Variants in CDHR3 observed in about 807,000 individuals in gnomAD.
The protein encoded by CDHR3 is cadherin related family member 3, also known as cadherin-related family member 3.
A neutral mutation model predicts 86.6 loss-of-function variants in CDHR3; 79 were observed. That is an observed-to-expected ratio of 0.91 (90% confidence interval 0.76 to 1.10). The LOEUF is 1.10. Among genes scored for constraint, CDHR3 ranks in the 50% least tolerant of loss-of-function variants. CDHR3 has a pLI of 0.00. For synonymous variants in CDHR3, 421 were observed against 402.4 expected (o/e 1.05, Z -0.55); for missense variants, 1,081 against 1,077.6 (o/e 1.00, Z -0.04).
rs1007850712 is a variant in CDHR3 at position 106,012,770 on chromosome 7, A to C, written c.1053-90A>C. 9 of 1,363,760 alleles carry C rather than the reference A, an allele frequency of 6.6e-6. No homozygotes were observed. The Admixed American group carries it at 1.2e-4, about 18-fold the overall frequency. The allele number at this position is 1,363,760 out of a possible 1,614,324, so 84.5% of individuals were successfully genotyped here. A position where few individuals can be genotyped will look rare whatever the true frequency, so the allele number is the denominator to read the frequency against. ...ATGGACTTACTTTGAATTGCAGTTAAAGTAGAGGTGTCTAGCCCAGGGCCC... is the reference window on the plus strand; with the variant it reads ...ATGGACTTACTTTGAATTGCAGTTACAGTAGAGGTGTCTAGCCCAGGGCCC... On this transcript the variant is annotated intron_variant, in intron 8 of 18. Transcript: ENST00000317716.
intron 1 of CDHR3, among the ~76,000 whole-genome samples, chr7:105,967,504 G>T (rs561321151): frequency 5.3e-5 from 8 of 152,276 alleles, no homozygotes; most frequent in African/African-American, 1.9e-4. Context: ...GGTATTTCTA[G>T]TTCTAGATCC....
At position 106,024,442 on chromosome 7, in the gene CDHR3, C is replaced by T. The variant is rs781354741; in HGVS notation, c.2138C>T (p.Pro713Leu). 7.4e-6 allele frequency: 12 copies of T among 1,613,870 alleles called. No individual in the cohort carries two copies. The highest frequency in any genetic ancestry group is 4.5e-5 in the East Asian group (2 of 44,892). ...TACTCTCCATCTGCATGGTACGTGCCGTTTGTCATCACTTTGGGCTCCATA... is the reference window on the plus strand; with the variant it reads ...TACTCTCCATCTGCATGGTACGTGCTGTTTGTCATCACTTTGGGCTCCATA... Reference protein sequence around the residue: ...NVYSPSAWYVPFVITLGSILL... With the variant: ...NVYSPSAWYVLFVITLGSILL... Residue 713 changes from proline to leucine, a missense_variant, in exon 15 of 19, where the codon CCG becomes CTG. Coordinates refer to ENST00000317716, the MANE Select transcript of CDHR3 (RefSeq NM_152750.5).
intron 10 of CDHR3, among the ~76,000 whole-genome samples, chr7:106,015,678 C>T (rs1835502466): frequency 6.6e-6 from 1 of 152,168 alleles, no homozygotes; most frequent in Non-Finnish European, 1.5e-5. Context: ...TAATTCTATC[C>T]TTATAAGGCT....
chr7:106,015,156 G>A lies in CDHR3; in HGVS notation c.1270G>A (p.Gly424Ser), dbSNP rs373722891. 57 of 1,611,216 alleles carry A rather than the reference G, an allele frequency of 3.5e-5. No homozygotes were observed. Among genetic ancestry groups the A allele is most frequent in the African/African-American group, 2.4e-4 (18 of 74,852 alleles). The part of the protein sequence containing the change: ...DYENPSNLAA[G>S]NKYTVIIQVQ... ...CGAAAATCCAAGTAACCTAGCAGCCGGCAATAAATATACGGTGATAATCCA... is the reference window on the plus strand; with the variant it reads ...CGAAAATCCAAGTAACCTAGCAGCCAGCAATAAATATACGGTGATAATCCA... Residue 424 changes from glycine (G) to serine (S), a missense_variant, in exon 10 of 19, where the codon GGC (glycine) becomes AGC (serine). Physicochemically the swap from Gly to Ser is moderately conservative, Grantham distance 56. Coordinates refer to ENST00000317716, the MANE Select transcript of CDHR3 (RefSeq NM_152750.5).
chr7:105,991,620 A>G (rs919238141), intron 4 of CDHR3, among the ~76,000 whole-genome samples: 2 of 152,242 alleles, frequency 1.3e-5, no homozygotes, highest in Admixed American at 1.3e-4. Flanking sequence ...AATGTTTTAC[A>G]GGATGGTTTT....
chr7:106,031,881 A>G (rs1411546270), intron 18 of CDHR3, among the ~76,000 whole-genome samples: 2 of 152,074 alleles, frequency 1.3e-5, no homozygotes, highest in African/African-American at 4.8e-5. Flanking sequence ...GCTTCCTTGT[A>G]TCATCTCAAG....
chr7:105,986,427 T>C (rs1304549903), intron 4 of CDHR3, among the ~76,000 whole-genome samples: 2 of 152,148 alleles, frequency 1.3e-5, no homozygotes, highest in Non-Finnish European at 2.9e-5. Context: ...CAGACATTCA[T>C]GCGTAGGGGA....
chr7:106,015,866 T>C, intron 10 of CDHR3, 61 bp from the exon 11 acceptor site: 1 of 1,213,388 alleles, frequency 8.2e-7, no homozygotes, highest in Non-Finnish European at 1.2e-6. Flanking sequence ...TTAAAGATGT[T>C]GAATAAACAA....
chr7:105,972,897 T>C (rs1241862670), intron 1 of CDHR3, among the ~76,000 whole-genome samples: 1 of 152,218 alleles, frequency 6.6e-6, no homozygotes, highest in Non-Finnish European at 1.5e-5. Context: ...ATAAGATGAC[T>C]TTAGATTTTA....
At chr7:106,010,995 C>T (rs558796074) in intron 8 of CDHR3, among the ~76,000 whole-genome samples, 4 of 152,322 alleles carry the variant, frequency 2.6e-5, no homozygotes, top group Admixed American at 2.0e-4. Context: ...GTTGTTGGTA[C>T]GTGGCCTCAC....
intron 1 of CDHR3, among the ~76,000 whole-genome samples, chr7:105,974,118 A>G (rs759770742): frequency 2.6e-5 from 4 of 152,226 alleles, no homozygotes; most frequent in Non-Finnish European, 5.9e-5. Context: ...TGTGCACCTT[A>G]GAATGGTCCC....
At chr7:106,005,602 G>A (rs762427197) in intron 8 of CDHR3, among the ~76,000 whole-genome samples, 20 of 152,210 alleles carry the variant, frequency 1.3e-4, no homozygotes, top group Non-Finnish European at 2.5e-4. Flanking sequence ...TCCCCATGGG[G>A]AGAGTCTCCT....
At chr7:106,000,572 C>A (rs79291608) in intron 6 of CDHR3, among the ~76,000 whole-genome samples, 7,095 of 152,178 alleles carry the variant, frequency 0.047, 178 homozygotes, top group African/African-American at 0.071. Context: ...GACTACTTGC[C>A]CCACTGAAAT....
chr7:106,012,786 C>T lies in CDHR3; in HGVS notation c.1053-74C>T, dbSNP rs146510892. 1,126 of 1,480,286 alleles carry T rather than the reference C, an allele frequency of 7.6e-4. 10 individuals are homozygous for T. In the African/African-American group the frequency reaches 0.015, roughly 19 times the overall value. 91.7% of individuals were successfully genotyped at this position (1,480,286 alleles called of 1,614,324 possible). On this transcript the variant is annotated intron_variant, in intron 8 of 18. Transcript: ENST00000317716. ...TTGCAGTTAAAGTAGAGGTGTCTAG[C>T]CCAGGGCCCATGTGAGAAGGAACAG...
In CDHR3 at chr7:106,022,368, G is replaced by T; in HGVS notation, c.1996G>T (p.Ala666Ser). 3.1e-6 allele frequency: 5 copies of T among 1,613,984 alleles called. No homozygotes were observed. Among genetic ancestry groups the T allele is most frequent in the East Asian group, 2.2e-5 (1 of 44,886 alleles). ...NLMSDRKKAE[A>S]LVETGTVTLS... ...GATGTCTGACAGGAAGAAAGCGGAG[G>T]CTCTTGTTGAGACAGGAACAGTGAC... The change falls in exon 14 of 19, where the codon GCT (alanine) becomes TCT (serine). Residue 666 changes from alanine (A) to serine (S), a missense_variant. By Grantham distance (99) the Ala-to-Ser change is moderately conservative (BLOSUM62 1). Coordinates refer to ENST00000317716, the MANE Select transcript of CDHR3 (RefSeq NM_152750.5).
intron 3 of CDHR3, among the ~76,000 whole-genome samples, chr7:105,983,612 C>T (rs11971765): frequency 6.6e-6 from 1 of 152,176 alleles, no homozygotes; most frequent in African/African-American, 2.4e-5. Context: ...CTGGTACCGC[C>T]TGCTCCTCCC....
chr7:105,993,568 C>G (rs916370921), intron 4 of CDHR3, among the ~76,000 whole-genome samples: 1 of 150,334 alleles, frequency 6.7e-6, no homozygotes, highest in East Asian at 2.0e-4. Flanking sequence ...CCCAGCCACT[C>G]GTGAGGATGA....
chr7:106,008,820 G>A (rs1585738773), intron 8 of CDHR3, among the ~76,000 whole-genome samples: 1 of 152,276 alleles, frequency 6.6e-6, no homozygotes, highest in African/African-American at 2.4e-5. Flanking sequence ...GCCCTCTTCT[G>A]CCCTCCTGCT....
intron 2 of CDHR3, among the ~76,000 whole-genome samples, chr7:105,977,094 G>A (rs1828947104): frequency 6.6e-6 from 1 of 151,406 alleles, no homozygotes; most frequent in African/African-American, 2.4e-5. Context: ...TGAGACTACA[G>A]GCACTGCACC....
Sources: allele counts gnomAD v4.1 joint callset (sites outside exome capture counted in the v4.1 genomes callset), GRCh38; gene constraint gnomAD v4.1.1; transcripts MANE v1.5; gene names NCBI Gene and HGNC (gene_info 2026-07-23, HGNC 2026-07-21).